GNB1L: variants seen among roughly 807,000 people sequenced by gnomAD.
The protein encoded by GNB1L is G protein subunit beta 1 like.
In GNB1L, 20 loss-of-function variants were observed where a neutral mutation model predicts 29.1. The observed-to-expected ratio is 0.69, with a 90% confidence interval of 0.48 to 1.00. The LOEUF is 1.00. Among genes scored for constraint, GNB1L ranks in the 50% least tolerant of loss-of-function variants. The pLI, the probability that GNB1L is intolerant of heterozygous loss-of-function variation, is 0.00. For missense variants in GNB1L, 421 were observed against 464.9 expected (o/e 0.91, Z 0.87); for synonymous variants, 193 against 206.5 (o/e 0.93, Z 0.56).
chr22:19,788,559 T>TA lies in GNB1L; in HGVS notation c.*149dup. 9.7e-7 allele frequency: 1 copy of TA among 1,031,704 alleles called. No homozygotes were observed. The allele number at this position is 1,031,704 out of a possible 1,614,324, so 63.9% of individuals were successfully genotyped here. A position where few individuals can be genotyped will look rare whatever the true frequency, so the allele number is the denominator to read the frequency against. Reference sequence around the variant, plus strand: ...TGATGAGGCACTCCACAAAAGGAAATACCAACCTCATGAAGACAGCGGGGA... The same window carrying TA: ...TGATGAGGCACTCCACAAAAGGAAATAACCAACCTCATGAAGACAGCGGGGA... On this transcript the variant is annotated 3_prime_UTR_variant, in exon 8 of 8. Coordinates refer to ENST00000329517, the MANE Select transcript of GNB1L (RefSeq NM_053004.3).
At chr22:19,817,381 T>C (rs896171076) in intron 4 of GNB1L, among the ~76,000 whole-genome samples, 1 of 152,090 alleles carries the variant, frequency 6.6e-6, no homozygotes, top group Non-Finnish European at 1.5e-5. Context: ...CTCGGGAGGC[T>C]GAGGCAGGAG....
intron 2 of GNB1L, among the ~76,000 whole-genome samples, chr22:19,824,594 G>A (rs1353522278): frequency 2.6e-5 from 4 of 152,230 alleles, no homozygotes; most frequent in African/African-American, 9.6e-5. Flanking sequence ...GGAACAAATG[G>A]ACGACAACAG....
At chr22:19,832,238 G>A (rs1437041797) in intron 2 of GNB1L, among the ~76,000 whole-genome samples, 2 of 152,178 alleles carry the variant, frequency 1.3e-5, no homozygotes, top group Non-Finnish European at 2.9e-5. Flanking sequence ...GCTGAGGTGG[G>A]AGGATCACTT....
At chr22:19,841,916 C>T (rs931510334) in intron 2 of GNB1L, among the ~76,000 whole-genome samples, 1 of 152,216 alleles carries the variant, frequency 6.6e-6, no homozygotes. Context: ...GTAGCACAGC[C>T]GTTCTAGCAT....
chr22:19,827,687 C>T lies in GNB1L; in HGVS notation c.-20-6312G>A, dbSNP rs150456809. 1.4e-3 allele frequency among the ~76,000 whole-genome samples: 219 copies of T among 152,318 alleles called. 7 individuals are homozygous for T. The East Asian group carries it at 0.038, about 26-fold the overall frequency. ...GCAGATTAGCAAAAAATTAAACAGT[C>T]TGTCAAATGTTGATGAAGACAGAGG... On this transcript the variant is annotated intron_variant, in intron 2 of 7. Coordinates refer to ENST00000329517, the MANE Select transcript of GNB1L (RefSeq NM_053004.3).
In GNB1L at chr22:19,820,618, G is replaced by C; in HGVS notation, c.234C>G (p.Pro78=). 6.2e-7 allele frequency: 1 copy of C among 1,612,374 alleles called. No homozygotes were observed. Among genetic ancestry groups the C allele is most frequent in the Non-Finnish European group, 8.5e-7 (1 of 1,179,542 alleles). Residue 78 remains proline (P), a synonymous_variant, in exon 4 of 8, where the codon CCC becomes CCG. Transcript: ENST00000329517. ...GQCVTWLQTL[P]QGRQLLSQGR... ...CCCACCTGAGGAGCTGGCGCCCCTG[G>C]GGCAGCGTCTGCAGCCAGGTCACAC...
intron 2 of GNB1L, among the ~76,000 whole-genome samples, chr22:19,822,924 G>A (rs1043671278): frequency 1.3e-5 from 2 of 152,182 alleles, no homozygotes; most frequent in African/African-American, 2.4e-5. Flanking sequence ...TTCAGAGCTG[G>A]GGCAAAGGTT....
In GNB1L at chr22:19,843,982, C is replaced by T. The variant is rs955366843; in HGVS notation, c.-21+10461G>A. Among the ~76,000 whole-genome samples the T allele has an allele frequency of 1.4e-4, 22 of 152,162 alleles. 1 individual carries two copies. The highest frequency in any genetic ancestry group is 2.2e-4 in the Non-Finnish European group (15 of 68,020). On this transcript the variant is annotated intron_variant, in intron 2 of 7. Coordinates refer to ENST00000329517, the MANE Select transcript of GNB1L (RefSeq NM_053004.3). Reference sequence around the variant, plus strand: ...AGATTCACTGCCTCAGGCCAGGGGCCGGCACTGACCTCACCTCACCTGGGG... The same window carrying T: ...AGATTCACTGCCTCAGGCCAGGGGCTGGCACTGACCTCACCTCACCTGGGG...
intron 4 of GNB1L, among the ~76,000 whole-genome samples, chr22:19,815,745 C>T (rs1375328285): frequency 6.6e-6 from 1 of 152,078 alleles, no homozygotes; most frequent in African/African-American, 2.4e-5. Context: ...CCACACCCAG[C>T]TAATTTTTGT....
At chr22:19,828,443 C>A (rs937762500) in intron 2 of GNB1L, among the ~76,000 whole-genome samples, 3 of 152,020 alleles carry the variant, frequency 2.0e-5, no homozygotes, top group Admixed American at 6.6e-5. Context: ...TTACTTGAGG[C>A]CAGGAGTTTG....
At chr22:19,851,366 G>A (rs955702207) in intron 2 of GNB1L, 8 of 1,614,046 alleles carry the variant, frequency 5.0e-6, no homozygotes, top group Non-Finnish European at 5.9e-6. Context: ...TCTAGGGACA[G>A]GTGTGGGGGC....
At chr22:19,837,218 G>A (rs1359769228) in intron 2 of GNB1L, among the ~76,000 whole-genome samples, 3 of 152,154 alleles carry the variant, frequency 2.0e-5, no homozygotes, top group African/African-American at 4.8e-5. Flanking sequence ...CACCCGCCTC[G>A]GCCTCCCAAA....
At chr22:19,810,575 C>G (rs1937488017) in intron 5 of GNB1L, among the ~76,000 whole-genome samples, 1 of 152,202 alleles carries the variant, frequency 6.6e-6, no homozygotes, top group African/African-American at 2.4e-5. Context: ...GGGGCTGCCC[C>G]TGCCTGCGCC....
rs1569056527 is a variant in GNB1L at position 19,848,011 on chromosome 22, A to G, written c.-21+6432T>C. On this transcript the variant is annotated intron_variant, in intron 2 of 7. Transcript: ENST00000329517. ...CACCTCTAGCCTGTACTAAATTTCCATATTTATTTGGCCCGTTTCAAAGTC... is the reference window on the plus strand; with the variant it reads ...CACCTCTAGCCTGTACTAAATTTCCGTATTTATTTGGCCCGTTTCAAAGTC... The G allele has an allele frequency of 7.1e-6, 7 of 985,142 alleles. No homozygotes were observed. In the African/African-American group the frequency reaches 8.7e-5, roughly 12 times the overall value. The allele number at this position is 985,142 out of a possible 1,614,324, so 61.0% of individuals were successfully genotyped here. A position where few individuals can be genotyped will look rare whatever the true frequency, so the allele number is the denominator to read the frequency against.
In GNB1L at chr22:19,816,184, C is replaced by T. The variant is rs867287119; in HGVS notation, c.255-3737G>A. Among the ~76,000 whole-genome samples the T allele has an allele frequency of 7.2e-5, 11 of 152,210 alleles. No homozygotes were observed. The highest frequency in any genetic ancestry group is 2.4e-4 in the African/African-American group (10 of 41,462). On this transcript the variant is annotated intron_variant, in intron 4 of 7. Transcript: ENST00000329517. The surrounding 1 kb of genome is among the most constrained non-coding windows in gnomAD (Gnocchi z 4.4). ...GCCTCTCTCTCATGTCTTTGCACTCCTTCCTTCCCTGGGGACGAGGCCCAG... is the reference window on the plus strand; with the variant it reads ...GCCTCTCTCTCATGTCTTTGCACTCTTTCCTTCCCTGGGGACGAGGCCCAG...
intron 2 of GNB1L, among the ~76,000 whole-genome samples, chr22:19,830,878 G>A (rs781648830): frequency 3.3e-5 from 5 of 152,200 alleles, no homozygotes; most frequent in African/African-American, 7.2e-5. Flanking sequence ...ACCCAAGTAC[G>A]TGTGGAAGTT....
At position 19,816,930 on chromosome 22, in the gene GNB1L, C is replaced by T. The variant is rs1365556932; in HGVS notation, c.254+3668G>A. 6.6e-6 allele frequency among the ~76,000 whole-genome samples: 1 copy of T among 152,214 alleles called. No homozygotes were observed. Among genetic ancestry groups the T allele is most frequent in the Non-Finnish European group, 1.5e-5 (1 of 68,038 alleles). ...TGACTGCCTGGCACCCCCTTCCCAC[C>T]CCATCCAAGGGGCACTGAGGTGGGG... On this transcript the variant is annotated intron_variant, in intron 4 of 7. Transcript: ENST00000329517. This position sits in a 1 kb window ranked among gnomAD's most constrained non-coding sequence, Gnocchi z 4.4.
intron 2 of GNB1L, among the ~76,000 whole-genome samples, chr22:19,837,484 A>C (rs1246600885): frequency 6.6e-6 from 1 of 152,270 alleles, no homozygotes; most frequent in East Asian, 1.9e-4. Context: ...GGACATGAAA[A>C]CATACTCAAC....
chr22:19,820,801 A>T, intron 3 of GNB1L, 78 bp from the exon 4 acceptor site: 6 of 1,506,888 alleles, frequency 4.0e-6, no homozygotes, highest in Non-Finnish European at 5.4e-6. Flanking sequence ...TGGAGGCCAC[A>T]TTGTGGGATG....
Sources: allele counts gnomAD v4.1 joint callset (sites outside exome capture counted in the v4.1 genomes callset), GRCh38; gene constraint gnomAD v4.1.1; non-coding constraint Gnocchi (gnomAD v3.1); transcripts MANE v1.5; gene names NCBI Gene and HGNC (gene_info 2026-07-23, HGNC 2026-07-21).